Variants in RGS22 observed in about 807,000 individuals in gnomAD.
RGS22 encodes the protein regulator of G-protein signaling 22.
RGS22 carries 148 observed loss-of-function variants against 172.9 expected under a neutral mutation model. The observed-to-expected ratio is 0.86, with a 90% CI of 0.75 to 0.98. The LOEUF is 0.98. Ranked by LOEUF, RGS22 falls within the 50% of genes least tolerant of loss-of-function variation. The pLI is 0.00. For missense variants in RGS22, 1,347 were observed against 1,440.8 expected, an observed-to-expected ratio of 0.93 and a Z score of 1.05; for synonymous variants, 458 against 480.2, an observed-to-expected ratio of 0.95 and a Z score of 0.60.
Position 99,999,262 on chromosome 8 carries a change from C to G in RGS22, c.2949G>C (p.Lys983Asn). ...SEQFAARQKI[K>N]VQMKDIAEEL... is the part of the protein sequence containing the mutation. Reference sequence around the variant, plus strand: ...CAAAAGATTATACTAATTTATATACCTTTATCTTCTGACGTGCTGCAAACT... The same window carrying G: ...CAAAAGATTATACTAATTTATATACGTTTATCTTCTGACGTGCTGCAAACT... The change falls in exon 19 of 28, where the codon AAG (lysine) becomes AAC (asparagine). Residue 983 changes from lysine (K) to asparagine (N), a missense_variant and splice_region_variant. Transcript: ENST00000360863. 1 of 1,612,716 alleles carries G rather than the reference C, an allele frequency of 6.2e-7. No homozygotes were observed.
chr8:100,036,143 A>G (rs1368564338), intron 14 of RGS22, among the ~76,000 whole-genome samples: 1 of 151,832 alleles, frequency 6.6e-6, no homozygotes, highest in Admixed American at 6.6e-5. Context: ...GAAATAAAAG[A>G]AAAATCTCCA....
intron 14 of RGS22, among the ~76,000 whole-genome samples, chr8:100,037,633 T>C (rs1028136112): frequency 6.6e-6 from 1 of 152,172 alleles, no homozygotes; most frequent in African/African-American, 2.4e-5. Flanking sequence ...CATGGAAATA[T>C]GAAAATTATT....
At chr8:100,034,655 C>T (rs1819239433) in intron 14 of RGS22, among the ~76,000 whole-genome samples, 1 of 152,120 alleles carries the variant, frequency 6.6e-6, no homozygotes, top group Non-Finnish European at 1.5e-5. Flanking sequence ...CCTGCATTTC[C>T]AAGACAATCC....
intron 23 of RGS22, among the ~76,000 whole-genome samples, chr8:99,968,042 A>G (rs936057727): frequency 6.6e-6 from 1 of 152,234 alleles, no homozygotes; most frequent in Non-Finnish European, 1.5e-5. Flanking sequence ...AGGAGCAGGC[A>G]GCAATCTTTT....
chr8:100,029,835 T>C (rs1818601893), intron 14 of RGS22, among the ~76,000 whole-genome samples: 1 of 151,158 alleles, frequency 6.6e-6, no homozygotes, highest in African/African-American at 2.4e-5. Flanking sequence ...AATTTTAAAA[T>C]GAGGAAAAAG....
intron 14 of RGS22, among the ~76,000 whole-genome samples, chr8:100,031,431 A>C (rs1421794225): frequency 6.6e-6 from 1 of 152,046 alleles, no homozygotes; most frequent in African/African-American, 2.4e-5. Flanking sequence ...AGTGCTGTGG[A>C]TTTACCTAGG....
Position 100,080,348 on chromosome 8 carries a change from G to T in RGS22, c.125C>A (p.Ser42Ter), listed in dbSNP as rs752664916. Residue 42 changes from serine (S) to a stop codon, truncating the protein, a stop_gained, in exon 4 of 28, where the codon TCA becomes TAA. Transcript: ENST00000360863. LOFTEE classifies it high-confidence loss of function. ...ATCTGCATTAAATCTAATTGCCTCTGAAAAGGTCTGCAATATAAATTTGTG... is the reference window on the plus strand; with the variant it reads ...ATCTGCATTAAATCTAATTGCCTCTTAAAAGGTCTGCAATATAAATTTGTG... ...FNEFLSLPTF[S>*]EAIRFNADYG... 6.2e-7 allele frequency: 1 copy of T among 1,605,802 alleles called. No homozygotes were observed. Among genetic ancestry groups the T allele is most frequent in the South Asian group, 1.1e-5 (1 of 90,338 alleles).
intron 7 of RGS22, 73 bp from the exon 8 acceptor site, chr8:100,064,116 A>C: frequency 1.7e-6 from 2 of 1,178,328 alleles, no homozygotes; most frequent in Non-Finnish European, 2.3e-6. Flanking sequence ...TAGATGCTAT[A>C]GAGCCAGAAT....
At chr8:100,101,290 C>CTTT (rs112881114) in intron 2 of RGS22, among the ~76,000 whole-genome samples, 2 of 140,960 alleles carry the variant, frequency 1.4e-5, no homozygotes, top group South Asian at 2.3e-4. Flanking sequence ...TCCTAAATTT[C>CTTT]TTTTTTTTTT....
chr8:100,090,551 GT>G (rs1312892977), intron 3 of RGS22, among the ~76,000 whole-genome samples: 2 of 152,160 alleles, frequency 1.3e-5, no homozygotes, highest in African/African-American at 4.8e-5. Context: ...TAGTCAACCA[GT>G]TCAAATACTT....
rs745764235 is a variant in RGS22, at chr8:99,962,436, C to A, written c.*3G>T. On this transcript the variant is annotated 3_prime_UTR_variant, in exon 27 of 28. Coordinates refer to ENST00000360863, the MANE Select transcript of RGS22 (RefSeq NM_015668.5). ...CAGGATGTAAACATTCACAAGAATG[C>A]TGTCACTCTGGAAAAGACATGAAGT... The A allele has an allele frequency of 4.3e-6, 7 of 1,613,418 alleles. No homozygotes were observed. The African/African-American group carries it at 9.3e-5, about 22-fold the overall frequency.
In RGS22 at chr8:100,066,227, A is replaced by G; in HGVS notation, c.664T>C (p.Ser222Pro). 3 of 1,613,418 alleles carry G rather than the reference A, an allele frequency of 1.9e-6. No individual in the cohort carries two copies. Among genetic ancestry groups the G allele is most frequent in the Non-Finnish European group, 2.5e-6 (3 of 1,179,406 alleles). Residue 222 changes from serine (S) to proline (P), a missense_variant, in exon 7 of 28, where the codon TCG becomes CCG. Coordinates refer to ENST00000360863, the MANE Select transcript of RGS22 (RefSeq NM_015668.5). Reference protein sequence around the residue: ...KQSQQTVSTFSLPCCVPYNKL... With the variant: ...KQSQQTVSTFPLPCCVPYNKL... The stretch of plus-strand genomic sequence containing the variant: ...TTGTAGGGTACACAACAGGGTAACG[A>G]AAAGGTTGATACTGTTTGCTGACTT...
At chr8:100,014,407 A>G (rs1178697555) in intron 14 of RGS22, among the ~76,000 whole-genome samples, 2 of 152,008 alleles carry the variant, frequency 1.3e-5, no homozygotes. Context: ...CCCTCTCTCT[A>G]CAAGTCTCCA....
chr8:100,104,531 G>A (rs1194772658), intron 2 of RGS22, among the ~76,000 whole-genome samples: 1 of 152,066 alleles, frequency 6.6e-6, no homozygotes, highest in Non-Finnish European at 1.5e-5. Context: ...CTGGAAAGGT[G>A]AATGTGAAAG....
chr8:100,040,064 A>G lies in RGS22; in HGVS notation c.1962T>C (p.Gly654=), dbSNP rs1819942387. 1.2e-6 allele frequency: 2 copies of G among 1,610,042 alleles called. No homozygotes were observed. The highest frequency in any genetic ancestry group is 4.5e-5 in the East Asian group (2 of 44,532). ...EPRVKTVSDV[G]ALGGSDMENL... ...TTTCCATGTCAGATCCTCCCAAGGC[A>G]CCAACATCTGACACGGTTTTAACCT... Residue 654 remains glycine, a synonymous_variant, in exon 13 of 28, where the codon GGT becomes GGC. Transcript: ENST00000360863.
intron 14 of RGS22, among the ~76,000 whole-genome samples, chr8:100,009,884 A>G (rs1197627310): frequency 1.3e-5 from 2 of 152,226 alleles, no homozygotes; most frequent in Non-Finnish European, 2.9e-5. Flanking sequence ...AAGATTAATG[A>G]ACAAGAGTCA....
At chr8:100,092,402 T>A (rs1812652424) in intron 3 of RGS22, among the ~76,000 whole-genome samples, 1 of 152,186 alleles carries the variant, frequency 6.6e-6, no homozygotes, top group Admixed American at 6.5e-5. Context: ...GTTGAAAACT[T>A]AATTCCCAAT....
At chr8:100,101,289 T>TC (rs1813456075) in intron 2 of RGS22, among the ~76,000 whole-genome samples, 1 of 150,868 alleles carries the variant, frequency 6.6e-6, no homozygotes. Context: ...CTCCTAAATT[T>TC]CTTTTTTTTT....
At chr8:99,995,268 G>A (rs939855333) in intron 20 of RGS22, among the ~76,000 whole-genome samples, 2 of 152,108 alleles carry the variant, frequency 1.3e-5, no homozygotes, top group Non-Finnish European at 2.9e-5. Flanking sequence ...AGACAAACGG[G>A]ATCTAATTAA....
Sources: gnomAD v4.1 joint callset for allele counts (sites outside exome capture counted in the v4.1 genomes callset) on GRCh38, gnomAD v4.1.1 for gene constraint, MANE v1.5 for transcripts, NCBI Gene and HGNC (gene_info 2026-07-23, HGNC 2026-07-21) for gene names.